CLEC16A: variants seen among roughly 807,000 people sequenced by gnomAD.
The protein encoded by CLEC16A is C-type lectin domain containing 16A.
CLEC16A carries 51 observed loss-of-function variants against 109.5 expected under a neutral mutation model. That is an observed-to-expected ratio of 0.47 (90% CI 0.37 to 0.59). The LOEUF is 0.59. Among genes scored for constraint, CLEC16A ranks in the 20% least tolerant of loss-of-function variants. The pLI is 0.00. For synonymous variants in CLEC16A, 673 were observed against 564.2 expected (o/e 1.19, Z -2.73); for missense variants, 1,339 against 1,394.0 (o/e 0.96, Z 0.63).
chr16:11,161,820 G>T lies in CLEC16A; in HGVS notation c.2642-4568G>T, dbSNP rs921195359. ...GTCTGTGTGTAAAAGCTCCCAACGT[G>T]TCCATGGTGGTACCTCCAACAAACA... On this transcript the variant is annotated intron_variant, in intron 22 of 23. Transcript: ENST00000409790. Among the ~76,000 whole-genome samples the T allele has an allele frequency of 3.9e-5, 6 of 152,178 alleles. No individual in the cohort carries two copies. The East Asian group carries it at 1.2e-3, about 29-fold the overall frequency.
chr16:11,101,717 C>T (rs1349687677), intron 19 of CLEC16A, among the ~76,000 whole-genome samples: 2 of 152,180 alleles, frequency 1.3e-5, no homozygotes, highest in African/African-American at 4.8e-5. Context: ...ATAAAAGTTT[C>T]TTGAATGAAT....
At position 10,983,612 on chromosome 16, in the gene CLEC16A, A is replaced by G. The variant is rs111502478; in HGVS notation, c.1071+621A>G. ...GGAGCTTTGGCGTTCCATTTGGTAC[A>G]CTGCTGAGGGAAAACACCTGATGGC... On this transcript the variant is annotated intron_variant, in intron 10 of 23. Transcript: ENST00000409790. Among the ~76,000 whole-genome samples the G allele has an allele frequency of 1.6e-3, 248 of 152,304 alleles. 3 individuals carry two copies. Among genetic ancestry groups the G allele is most frequent in the African/African-American group, 5.7e-3 (235 of 41,558 alleles).
chr16:11,034,715 G>A (rs947652637), intron 13 of CLEC16A, among the ~76,000 whole-genome samples: 2 of 152,194 alleles, frequency 1.3e-5, no homozygotes, highest in African/African-American at 4.8e-5. Context: ...TAGTGCTCCC[G>A]TGAAGTGCAG....
At chr16:11,061,878 A>C (rs1460178698) in intron 19 of CLEC16A, among the ~76,000 whole-genome samples, 1 of 151,990 alleles carries the variant, frequency 6.6e-6, no homozygotes, top group African/African-American at 2.4e-5. Flanking sequence ...CCGTCTCCCA[A>C]CTCTGCTTTC....
intron 19 of CLEC16A, among the ~76,000 whole-genome samples, chr16:11,080,564 A>G (rs1010293733): frequency 1.3e-5 from 2 of 152,174 alleles, no homozygotes; most frequent in East Asian, 1.9e-4. Flanking sequence ...ACACATTTCT[A>G]CAACACCCAG....
chr16:11,120,912 CA>C (rs370197065), intron 20 of CLEC16A, 146 bp downstream of exon 20: 198 of 886,334 alleles, frequency 2.2e-4, no homozygotes, highest in Middle Eastern at 3.9e-4. Context: ...AATTGTCACC[CA>C]AAAAAAAGCT....
intron 19 of CLEC16A, among the ~76,000 whole-genome samples, chr16:11,080,621 C>G (rs888066617): frequency 6.6e-6 from 1 of 152,232 alleles, no homozygotes; most frequent in African/African-American, 2.4e-5. Context: ...ACGGGTCTCA[C>G]TGGGCTAAAG....
chr16:11,165,563 A>G (rs2068224829), intron 22 of CLEC16A, among the ~76,000 whole-genome samples: 1 of 152,174 alleles, frequency 6.6e-6, no homozygotes, highest in African/African-American at 2.4e-5. Flanking sequence ...GGGTGTGATA[A>G]TAGTTCTTTC....
chr16:11,120,707 G>T lies in CLEC16A; in HGVS notation c.2209G>T (p.Val737Leu). ...LAVDIYQMSL[V>L]EPDVSRLGWG... is the part of the protein sequence containing the mutation. ...TGTGGATATTTACCAGATGAGTTTG[G>T]TGGAGCCTGATGTGTCCAGGCTTGG... The change falls in exon 20 of 24, where the codon GTG becomes TTG. Residue 737 changes from valine (V) to leucine (L), a missense_variant. Transcript: ENST00000409790. 3.1e-6 allele frequency: 5 copies of T among 1,608,296 alleles called. No individual in the cohort carries two copies. The highest frequency in any genetic ancestry group is 4.2e-6 in the Non-Finnish European group (5 of 1,177,332).
intron 22 of CLEC16A, among the ~76,000 whole-genome samples, chr16:11,141,176 A>C (rs2053807816): frequency 6.6e-6 from 1 of 152,332 alleles, no homozygotes; most frequent in South Asian, 2.1e-4. Context: ...GGTCCTCCCA[A>C]GTATTCTAGC....
chr16:11,119,946 GTTGTTTTGTT>G lies in CLEC16A; in HGVS notation c.2117-664_2117-655del, dbSNP rs796789926. Among the ~76,000 whole-genome samples the G allele has an allele frequency of 4.3e-3, 569 of 131,710 alleles. 7 individuals carry two copies. The highest frequency in any genetic ancestry group is 0.017 in the African/African-American group (549 of 31,980). 86.4% of individuals were successfully genotyped at this position (131,710 alleles called of 152,430 possible). A position where few individuals can be genotyped will look rare whatever the true frequency, so the allele number is the denominator to read the frequency against. ...TCTTTCTTGGATTGCTGATTGTTTT[GTTGTTTTGTT>G]TTGTGTTGTGTTGTTTTGTTTTGTT... On this transcript the variant is annotated intron_variant, in intron 19 of 23. Transcript: ENST00000409790.
intron 22 of CLEC16A, among the ~76,000 whole-genome samples, chr16:11,157,485 T>G (rs553872323): frequency 6.6e-6 from 1 of 152,346 alleles, no homozygotes; most frequent in African/African-American, 2.4e-5. Context: ...TGAGACTTAT[T>G]AAAGGGATAC....
chr16:11,115,857 A>G (rs967037491), intron 19 of CLEC16A, among the ~76,000 whole-genome samples: 1 of 151,382 alleles, frequency 6.6e-6, no homozygotes, highest in South Asian at 2.1e-4. Flanking sequence ...TTAATATAAT[A>G]TATTTCATAA....
intron 13 of CLEC16A, among the ~76,000 whole-genome samples, chr16:11,031,483 C>G (rs2046741305): frequency 6.6e-6 from 1 of 152,218 alleles, no homozygotes; most frequent in Admixed American, 6.5e-5. Context: ...GGGCATCCTA[C>G]CTCTTTTTCT....
intron 17 of CLEC16A, among the ~76,000 whole-genome samples, chr16:11,051,155 G>A (rs1004029432): frequency 1.3e-5 from 2 of 152,174 alleles, no homozygotes; most frequent in Admixed American, 6.5e-5. Context: ...GGTGGCAGAC[G>A]GGCTTGCACC....
intron 23 of CLEC16A, among the ~76,000 whole-genome samples, chr16:11,167,065 T>C (rs1226848435): frequency 6.6e-6 from 1 of 152,176 alleles, no homozygotes; most frequent in East Asian, 1.9e-4. Flanking sequence ...CTTCAACTTA[T>C]TCCACTTCAG....
In CLEC16A at chr16:11,178,931, A is replaced by T. The variant is rs200938700; in HGVS notation, c.*241A>T. On this transcript the variant is annotated 3_prime_UTR_variant, in exon 24 of 24. Coordinates refer to ENST00000409790, the MANE Select transcript of CLEC16A (RefSeq NM_015226.3). This position sits in a 1 kb window ranked among gnomAD's most constrained non-coding sequence, Gnocchi z 6.5. ...AGCGGAGACACCGCGGCGAATGCAG[A>T]TGACTGCACCGGCCACTCAGGGAGC... is the stretch of plus-strand genomic sequence containing the variant. 6.5e-6 allele frequency: 3 copies of T among 460,422 alleles called. No individual in the cohort carries two copies. In the East Asian group the frequency reaches 1.0e-4, roughly 16 times the overall value. 28.5% of individuals were successfully genotyped at this position (460,422 alleles called of 1,614,324 possible).
chr16:11,145,625 C>T (rs980356451), intron 22 of CLEC16A, among the ~76,000 whole-genome samples: 1 of 152,364 alleles, frequency 6.6e-6, no homozygotes, highest in African/African-American at 2.4e-5. Context: ...GTAGAGCATA[C>T]GTTACCAAGT....
At chr16:10,977,509 T>C in intron 8 of CLEC16A, 110 bp downstream of exon 8, 1 of 1,013,306 alleles carries the variant, frequency 9.9e-7, no homozygotes, top group Non-Finnish European at 1.4e-6. Context: ...ACTGAGGTTT[T>C]TTTTTTGTTT....
Sources: gnomAD v4.1 joint callset for allele counts (sites outside exome capture counted in the v4.1 genomes callset) on GRCh38, gnomAD v4.1.1 for gene constraint, Gnocchi (gnomAD v3.1) non-coding constraint, MANE v1.5 for transcripts, NCBI Gene and HGNC (gene_info 2026-07-23, HGNC 2026-07-21) for gene names.